Variants in ABCA9 observed in about 807,000 individuals in gnomAD.
ABCA9 encodes the protein ATP-binding cassette sub-family A member 9.
Under a neutral mutation model 205.3 loss-of-function variants are expected in ABCA9, and 183 were observed. The ratio of observed to expected loss-of-function variants is 0.89; its 90% CI spans 0.79 to 1.01. The LOEUF (loss-of-function observed/expected upper bound fraction) is 1.01, where lower values mean the gene tolerates loss of function less well. Ranked by LOEUF, ABCA9 falls within the 50% of genes least tolerant of loss-of-function variation. The pLI, the probability that ABCA9 is intolerant of heterozygous loss-of-function variation, is 0.00. For synonymous variants in ABCA9, 651 were observed against 683.3 expected (o/e 0.95, Z 0.74); for missense variants, 1,805 against 1,912.4 (o/e 0.94, Z 1.05).
intron 6 of ABCA9, 52 bp downstream of exon 6, chr17:69,043,437 A>G (rs2071611614): frequency 7.0e-7 from 1 of 1,427,462 alleles, no homozygotes; most frequent in Non-Finnish European, 9.5e-7. Flanking sequence ...TCAACCAGCT[A>G]AGTTGTTCTG....
chr17:68,993,717 C>CAT (rs1206995954), intron 26 of ABCA9, among the ~76,000 whole-genome samples: 4 of 152,300 alleles, frequency 2.6e-5, no homozygotes, highest in African/African-American at 9.6e-5. Flanking sequence ...AGCCATCCAC[C>CAT]ATCTAGAAAA....
intron 36 of ABCA9, among the ~76,000 whole-genome samples, chr17:68,982,898 A>T (rs1304503362): frequency 1.3e-5 from 2 of 152,088 alleles, no homozygotes; most frequent in African/African-American, 4.8e-5. Context: ...CCCAGCTACC[A>T]TGGAGGCTGA....
intron 25 of ABCA9, among the ~76,000 whole-genome samples, chr17:68,997,441 G>C (rs1331410710): frequency 6.6e-6 from 1 of 151,842 alleles, no homozygotes; most frequent in Admixed American, 6.6e-5. Flanking sequence ...AAAGTTATTT[G>C]ATCTTCCTAA....
intron 25 of ABCA9, among the ~76,000 whole-genome samples, chr17:69,004,157 G>A (rs997599047): frequency 6.6e-6 from 1 of 152,190 alleles, no homozygotes; most frequent in East Asian, 1.9e-4. Flanking sequence ...TCCGTTGCTG[G>A]TGAGGAGCTG....
At chr17:69,048,410 G>A (rs148818456) in intron 3 of ABCA9, among the ~76,000 whole-genome samples, 14 of 137,324 alleles carry the variant, frequency 1.0e-4, no homozygotes, top group Admixed American at 3.0e-4. Context: ...TTAATAACTT[G>A]ACGAAAGCAT....
At chr17:69,062,743 C>T (rs924938419), upstream of ABCA9, among the ~76,000 whole-genome samples, 3 of 152,082 alleles carry the variant, frequency 2.0e-5, no homozygotes, top group Admixed American at 2.0e-4. Flanking sequence ...GAACTCCTGA[C>T]CTCAAATGAT....
intron 37 of ABCA9, among the ~76,000 whole-genome samples, chr17:68,981,758 C>A (rs2069059627): frequency 7.1e-6 from 1 of 141,124 alleles, no homozygotes; most frequent in Admixed American, 7.9e-5. Flanking sequence ...ACCCAGGAGG[C>A]AGAGGTGCAG....
chr17:69,036,722 A>T (rs1442176362), intron 6 of ABCA9, among the ~76,000 whole-genome samples: 1 of 151,988 alleles, frequency 6.6e-6, no homozygotes, highest in Non-Finnish European at 1.5e-5. Flanking sequence ...CCCAATTAAA[A>T]GACACAGATG....
At chr17:69,021,524 GTGT>G (rs1221108446) in intron 18 of ABCA9, among the ~76,000 whole-genome samples, 2 of 152,058 alleles carry the variant, frequency 1.3e-5, no homozygotes, top group African/African-American at 4.8e-5. Flanking sequence ...TAAGGAACTA[GTGT>G]TGTACATTGC....
At chr17:69,042,678 T>C (rs572221487) in intron 6 of ABCA9, 2 of 152,354 alleles carry the variant, frequency 1.3e-5, no homozygotes, top group African/African-American at 4.8e-5. Context: ...TCTGGCGCCC[T>C]GAGTATTGGC....
At chr17:69,014,459 A>C (rs1319699466) in intron 22 of ABCA9, among the ~76,000 whole-genome samples, 2 of 152,190 alleles carry the variant, frequency 1.3e-5, no homozygotes, top group African/African-American at 2.4e-5. Flanking sequence ...AATCCGAAAC[A>C]CTTCTGGTCC....
intron 23 of ABCA9, among the ~76,000 whole-genome samples, chr17:69,010,175 T>TAAA (rs372004651): frequency 7.0e-6 from 1 of 143,208 alleles, no homozygotes. Context: ...GACAGTTAAT[T>TAAA]AAAAAAAAAA....
At chr17:69,053,601 AC>A (rs2071976673) in intron 1 of ABCA9, among the ~76,000 whole-genome samples, 1 of 152,186 alleles carries the variant, frequency 6.6e-6, no homozygotes, top group African/African-American at 2.4e-5. Flanking sequence ...TTAGTAGACT[AC>A]ACACAGCTGA....
chr17:69,036,038 A>T (rs1253515945), intron 6 of ABCA9, among the ~76,000 whole-genome samples: 2 of 152,210 alleles, frequency 1.3e-5, no homozygotes, highest in African/African-American at 4.8e-5. Context: ...TGGATGATAC[A>T]ATGGATGTCA....
chr17:69,070,891 C>T, the ABCA9 span, among the ~76,000 whole-genome samples: 2 of 152,230 alleles, frequency 1.3e-5, no homozygotes, highest in Admixed American at 1.3e-4. Context: ...CTGGGGTGCT[C>T]GAGCTTGGTG....
At chr17:68,994,127 C>T (rs1005372162) in intron 26 of ABCA9, among the ~76,000 whole-genome samples, 5 of 152,170 alleles carry the variant, frequency 3.3e-5, no homozygotes, top group South Asian at 2.1e-4. Context: ...TCACCTGCCT[C>T]GGCCTCCCAA....
intron 25 of ABCA9, among the ~76,000 whole-genome samples, chr17:68,997,161 C>T (rs2069651975): frequency 6.6e-6 from 1 of 152,186 alleles, no homozygotes; most frequent in Non-Finnish European, 1.5e-5. Context: ...GAACTCCTGA[C>T]CTCAGGTGAT....
chr17:68,986,523 T>G, intron 31 of ABCA9, 199 bp from the exon 32 acceptor site: 1 of 469,376 alleles, frequency 2.1e-6, no homozygotes, highest in Non-Finnish European at 3.7e-6. Context: ...GGTTATCCAT[T>G]GTAGTGTAGA....
intron 37 of ABCA9, among the ~76,000 whole-genome samples, chr17:68,982,026 C>T (rs2069071448): frequency 6.6e-6 from 1 of 152,014 alleles, no homozygotes; most frequent in African/African-American, 2.4e-5. Context: ...GACCAAAATC[C>T]AAGGGCCTAA....
Sources: allele counts gnomAD v4.1 joint callset (sites outside exome capture counted in the v4.1 genomes callset), GRCh38; gene constraint gnomAD v4.1.1; transcripts MANE v1.5; gene names NCBI Gene and HGNC (gene_info 2026-07-23, HGNC 2026-07-21).